Variants in PDE4B observed in about 807,000 individuals in gnomAD.
PDE4B encodes the protein phosphodiesterase 4B.
Under a neutral mutation model 82.2 loss-of-function variants are expected in PDE4B, and 20 were observed. The observed-to-expected ratio is 0.24, with a 90% CI of 0.17 to 0.35. The LOEUF is 0.35. Ranked by LOEUF, PDE4B falls within the 10% of genes least tolerant of loss-of-function variation. The pLI is 1.00. For missense variants in PDE4B, 655 were observed against 907.2 expected (o/e 0.72, Z 3.57); for synonymous variants, 320 against 318.9 (o/e 1.00, Z -0.04).
intron 3 of PDE4B, among the ~76,000 whole-genome samples, chr1:66,085,121 C>T (rs1182113359): frequency 1.3e-5 from 2 of 151,784 alleles, no homozygotes. Context: ...AACGGAATCG[C>T]CTGGGGATGC....
At position 66,322,692 on chromosome 1, in the gene PDE4B, C is replaced by T. The variant is rs138246259; in HGVS notation, c.635-9816C>T. 3.0e-4 allele frequency among the ~76,000 whole-genome samples: 46 copies of T among 151,644 alleles called. No individual in the cohort carries two copies. In the East Asian group the frequency reaches 3.3e-3, roughly 11 times the overall value. On this transcript the variant is annotated intron_variant, in intron 7 of 16. Coordinates refer to ENST00000341517, the MANE Select transcript of PDE4B (RefSeq NM_002600.4). The stretch of plus-strand genomic sequence containing the variant: ...TGGAGAGGATGTGGAGAAATAGGAA[C>T]GCAAAAAATTCCTGTGTTGAAACCA...
intron 3 of PDE4B, among the ~76,000 whole-genome samples, chr1:66,134,068 G>C (rs551805424): frequency 6.8e-4 from 103 of 151,704 alleles, no homozygotes; most frequent in Non-Finnish European, 1.1e-3. Flanking sequence ...GACTTCTAAG[G>C]CTGCCCTTAA....
intron 3 of PDE4B, among the ~76,000 whole-genome samples, chr1:66,021,932 TC>T (rs1326146037): frequency 6.6e-6 from 1 of 152,232 alleles, no homozygotes; most frequent in Non-Finnish European, 1.5e-5. Flanking sequence ...TATTGATACT[TC>T]CTATCCATGA....
intron 1 of PDE4B, among the ~76,000 whole-genome samples, chr1:65,897,139 A>G (rs924613461): frequency 6.6e-6 from 1 of 152,160 alleles, no homozygotes; most frequent in Non-Finnish European, 1.5e-5. Flanking sequence ...TTCTATTTTA[A>G]TAAATAAGAA....
At chr1:66,081,576 A>G (rs1341784172) in intron 3 of PDE4B, among the ~76,000 whole-genome samples, 5 of 152,150 alleles carry the variant, frequency 3.3e-5, no homozygotes, top group South Asian at 2.1e-4. Flanking sequence ...AGAAAATTCT[A>G]TGTATGGAAT....
chr1:66,049,402 C>T (rs1023054596), intron 3 of PDE4B, among the ~76,000 whole-genome samples: 3 of 151,938 alleles, frequency 2.0e-5, no homozygotes, highest in Admixed American at 1.3e-4. Flanking sequence ...TTAGTATTGC[C>T]AGCTGATGGG....
chr1:66,130,835 G>C (rs1645925828), intron 3 of PDE4B, among the ~76,000 whole-genome samples: 1 of 152,080 alleles, frequency 6.6e-6, no homozygotes, highest in South Asian at 2.1e-4. Context: ...ACTTCTTATG[G>C]GTGTGTTGTT....
intron 3 of PDE4B, among the ~76,000 whole-genome samples, chr1:65,928,095 AC>A (rs1647609015): frequency 6.6e-6 from 1 of 152,144 alleles, no homozygotes; most frequent in African/African-American, 2.4e-5. Context: ...GTGGGCAGGT[AC>A]CCTGGTAAAA....
At chr1:66,188,699 C>T (rs1476588645) in intron 3 of PDE4B, among the ~76,000 whole-genome samples, 2 of 151,676 alleles carry the variant, frequency 1.3e-5, no homozygotes, top group African/African-American at 4.8e-5. Flanking sequence ...AGATCTTCCT[C>T]CATGCCTTTA....
chr1:66,309,202 T>C (rs1658497374), intron 7 of PDE4B, among the ~76,000 whole-genome samples: 1 of 152,234 alleles, frequency 6.6e-6, no homozygotes, highest in Non-Finnish European at 1.5e-5. Flanking sequence ...GGGAAGGCTC[T>C]ATGTTAACCA....
intron 1 of PDE4B, among the ~76,000 whole-genome samples, chr1:65,838,547 A>G (rs12738939): frequency 6.8e-6 from 1 of 147,752 alleles, no homozygotes; most frequent in Admixed American, 6.8e-5. Flanking sequence ...ATGTGTATAT[A>G]TGTATATATA....
Position 65,822,476 on chromosome 1 carries a change from G to A in PDE4B, c.-71+29228G>A, listed in dbSNP as rs909204748. ...ACAGTCATGTATGAGAATTTGTGGTGCTTCATATCTCTGTCTTTACTTGTT... is the reference window on the plus strand; with the variant it reads ...ACAGTCATGTATGAGAATTTGTGGTACTTCATATCTCTGTCTTTACTTGTT... On this transcript the variant is annotated intron_variant, in intron 1 of 16. Transcript: ENST00000341517. Among the ~76,000 whole-genome samples, 16 of 152,194 alleles carry A rather than the reference G, an allele frequency of 1.1e-4. 1 individual carries two copies. The East Asian group carries it at 3.1e-3, about 29-fold the overall frequency.
At chr1:66,066,327 A>G (rs917511328) in intron 3 of PDE4B, among the ~76,000 whole-genome samples, 6 of 151,784 alleles carry the variant, frequency 4.0e-5, no homozygotes, top group African/African-American at 1.2e-4. Flanking sequence ...TTTTTTAGTC[A>G]TGTAGATACA....
chr1:66,285,622 C>A (rs1656622018), intron 7 of PDE4B, among the ~76,000 whole-genome samples: 2 of 152,134 alleles, frequency 1.3e-5, no homozygotes, highest in Non-Finnish European at 2.9e-5. Context: ...TGAGTTAATT[C>A]ACTGAGGCTA....
chr1:65,957,064 TTC>T (rs542745556), intron 3 of PDE4B, among the ~76,000 whole-genome samples: 186 of 152,194 alleles, frequency 1.2e-3, no homozygotes, highest in Non-Finnish European at 2.3e-3. Context: ...AGCTTTTTTG[TTC>T]TCTTTTGTTT....
At chr1:65,914,213 G>T (rs971228584) in intron 2 of PDE4B, among the ~76,000 whole-genome samples, 1 of 152,180 alleles carries the variant, frequency 6.6e-6, no homozygotes, top group Non-Finnish European at 1.5e-5. Flanking sequence ...TTTCACAGAT[G>T]CTCACCCTAT....
chr1:65,880,346 G>C lies in PDE4B; in HGVS notation c.-70-32899G>C, dbSNP rs997538424. On this transcript the variant is annotated intron_variant, in intron 1 of 16. Coordinates refer to ENST00000341517, the MANE Select transcript of PDE4B (RefSeq NM_002600.4). The stretch of plus-strand genomic sequence containing the variant: ...AGAAAAGTATTTCCATGCTTATGCT[G>C]GTCATGCTGCTCACTCCTTCAGATC... 6.5e-4 allele frequency among the ~76,000 whole-genome samples: 99 copies of C among 152,182 alleles called. 1 individual carries two copies. Among genetic ancestry groups the C allele is most frequent in the African/African-American group, 2.3e-3 (97 of 41,432 alleles).
intron 7 of PDE4B, among the ~76,000 whole-genome samples, chr1:66,282,260 G>A (rs1656353334): frequency 6.6e-6 from 1 of 152,208 alleles, no homozygotes; most frequent in Admixed American, 6.5e-5. Flanking sequence ...TGAGCCAATA[G>A]GGAGGTGGCA....
intron 1 of PDE4B, among the ~76,000 whole-genome samples, chr1:65,818,053 C>G (rs4259616): frequency 6.6e-6 from 1 of 151,942 alleles, no homozygotes; most frequent in African/African-American, 2.4e-5. Context: ...TGATTTTGCC[C>G]TCATCATGTC....
Sources: gnomAD v4.1 joint callset for allele counts (sites outside exome capture counted in the v4.1 genomes callset) on GRCh38, gnomAD v4.1.1 for gene constraint, MANE v1.5 for transcripts, NCBI Gene and HGNC (gene_info 2026-07-23, HGNC 2026-07-21) for gene names.